Variants in SPATA13 observed in about 807,000 individuals in gnomAD.
SPATA13 encodes spermatogenesis associated 13.
A neutral mutation model predicts 104.0 loss-of-function variants in SPATA13; 50 were observed. The ratio of observed to expected loss-of-function variants is 0.48; its 90% CI spans 0.38 to 0.61. The LOEUF (loss-of-function observed/expected upper bound fraction) is 0.61, where lower values mean the gene tolerates loss of function less well. Ranked by LOEUF, SPATA13 falls within the 20% of genes least tolerant of loss-of-function variation. The pLI is 0.00. For missense variants in SPATA13, 1,524 were observed against 1,690.6 expected (o/e 0.90, Z 1.73); for synonymous variants, 606 against 667.5 (o/e 0.91, Z 1.42).
chr13:24,146,970 A>G (rs556175097), intron 3 of SPATA13, among the ~76,000 whole-genome samples: 51 of 152,190 alleles, frequency 3.4e-4, no homozygotes, highest in African/African-American at 1.2e-3. Flanking sequence ...TTCACTTAGA[A>G]ATAAAGAGAA....
At chr13:24,265,132 A>C (rs2138685473) in intron 4 of SPATA13, among the ~76,000 whole-genome samples, 1 of 152,312 alleles carries the variant, frequency 6.6e-6, no homozygotes. Context: ...CTTGTACTTC[A>C]GGCTCCATTT....
intron 2 of SPATA13, among the ~76,000 whole-genome samples, chr13:24,226,015 A>T (rs79326019): frequency 6.6e-6 from 1 of 152,166 alleles, no homozygotes; most frequent in South Asian, 2.1e-4. Context: ...GAGACCTGGA[A>T]TGTGTTGCTC....
chr13:24,216,906 T>A (rs1006094550), intron 1 of SPATA13, among the ~76,000 whole-genome samples: 1 of 151,806 alleles, frequency 6.6e-6, no homozygotes, highest in Non-Finnish European at 1.5e-5. Context: ...CAAAAATTAG[T>A]GGGGCATAGT....
At chr13:24,029,742 A>G (rs542799217) in intron 3 of SPATA13, among the ~76,000 whole-genome samples, 2 of 152,026 alleles carry the variant, frequency 1.3e-5, no homozygotes, top group Non-Finnish European at 2.9e-5. Flanking sequence ...CCTGGTACCC[A>G]TTAGTTAATT....
At chr13:24,036,104 A>G (rs988524902) in intron 3 of SPATA13, among the ~76,000 whole-genome samples, 9 of 152,206 alleles carry the variant, frequency 5.9e-5, no homozygotes, top group African/African-American at 2.2e-4. Flanking sequence ...TAATATTTAC[A>G]ATACTAGAAA....
intron 3 of SPATA13, among the ~76,000 whole-genome samples, chr13:24,037,975 A>G (rs1364171286): frequency 1.3e-5 from 2 of 151,536 alleles, no homozygotes; most frequent in East Asian, 2.0e-4. Flanking sequence ...GCAGTGGCAC[A>G]ATCTTGGCTC....
intron 3 of SPATA13, among the ~76,000 whole-genome samples, chr13:24,113,657 G>T (rs550813194): frequency 6.6e-6 from 1 of 151,968 alleles, no homozygotes; most frequent in East Asian, 1.9e-4. Flanking sequence ...AGATCACGAG[G>T]TCAGGAGATC....
At chr13:24,057,991 T>C (rs960486425) in intron 3 of SPATA13, among the ~76,000 whole-genome samples, 1 of 151,788 alleles carries the variant, frequency 6.6e-6, no homozygotes, top group Admixed American at 6.6e-5. Flanking sequence ...AGAAAGGAGA[T>C]GTTCATGGCC....
chr13:24,117,971 A>C (rs947087232), intron 3 of SPATA13, among the ~76,000 whole-genome samples: 1 of 152,242 alleles, frequency 6.6e-6, no homozygotes, highest in South Asian at 2.1e-4. Context: ...AAAAAATGGC[A>C]TTAGAAAAAC....
chr13:24,286,981 G>T lies in SPATA13; in HGVS notation c.2667+31G>T, dbSNP rs372283758. 3.6e-5 allele frequency: 57 copies of T among 1,601,784 alleles called. No homozygotes were observed. In the African/African-American group the frequency reaches 4.9e-4, roughly 14 times the overall value. Reference sequence around the variant, plus strand: ...ACGCCAGGCTGGGACCTCACTGAGGGTCACAGTATGAGGCTGCATGAGGTG... The same window carrying T: ...ACGCCAGGCTGGGACCTCACTGAGGTTCACAGTATGAGGCTGCATGAGGTG... On this transcript the variant is annotated intron_variant, in intron 7 of 12. Transcript: ENST00000382108. The surrounding 1 kb of genome is among the most constrained non-coding windows in gnomAD (Gnocchi z 4.9).
intron 3 of SPATA13, among the ~76,000 whole-genome samples, chr13:24,143,341 A>C (rs1881822078): frequency 6.6e-6 from 1 of 152,028 alleles, no homozygotes; most frequent in South Asian, 2.1e-4. Flanking sequence ...TACTTCTCCC[A>C]TTTTTCCCCA....
chr13:24,142,953 G>T (rs1881810303), intron 3 of SPATA13, among the ~76,000 whole-genome samples: 1 of 152,168 alleles, frequency 6.6e-6, no homozygotes, highest in South Asian at 2.1e-4. Flanking sequence ...CTCCATCCAT[G>T]CCTGGCCTCT....
At chr13:24,245,709 G>A (rs775968499) in intron 2 of SPATA13, among the ~76,000 whole-genome samples, 8 of 147,456 alleles carry the variant, frequency 5.4e-5, no homozygotes, top group Non-Finnish European at 1.2e-4. Flanking sequence ...CTCCTGCCTC[G>A]GCCTCCCAAG....
At chr13:24,173,244 A>AT (rs1319281040) in intron 1 of SPATA13, among the ~76,000 whole-genome samples, 9 of 152,008 alleles carry the variant, frequency 5.9e-5, no homozygotes, top group Non-Finnish European at 1.2e-4. Flanking sequence ...GGCGTGGCTA[A>AT]TTTTTTGTAT....
intron 3 of SPATA13, among the ~76,000 whole-genome samples, chr13:24,106,256 A>G (rs1180323670): frequency 6.6e-6 from 1 of 151,594 alleles, no homozygotes; most frequent in African/African-American, 2.4e-5. Flanking sequence ...CTGGCCTCAT[A>G]CTCCTGGCCT....
At chr13:24,156,575 G>A (rs557777365), upstream of SPATA13, among the ~76,000 whole-genome samples, 7 of 152,290 alleles carry the variant, frequency 4.6e-5, no homozygotes, top group Admixed American at 6.5e-5. Flanking sequence ...TGTGATAAAT[G>A]CCAAACATTA....
At chr13:23,987,891 A>G (rs1459509253) in intron 2 of SPATA13, among the ~76,000 whole-genome samples, 13 of 151,580 alleles carry the variant, frequency 8.6e-5, no homozygotes, top group Admixed American at 8.5e-4. Flanking sequence ...ATTTCACATA[A>G]CGCAACGTTC....
At chr13:24,035,226 C>T (rs1011867102) in intron 3 of SPATA13, among the ~76,000 whole-genome samples, 1 of 152,214 alleles carries the variant, frequency 6.6e-6, no homozygotes, top group African/African-American at 2.4e-5. Flanking sequence ...GCAATCTCAG[C>T]TCATTGCTAC....
chr13:24,247,425 GGT>G (rs1424225799), intron 2 of SPATA13, among the ~76,000 whole-genome samples: 1 of 149,408 alleles, frequency 6.7e-6, no homozygotes, highest in Non-Finnish European at 1.5e-5. Flanking sequence ...AAAAATGAGT[GGT>G]TGGAGTAAAG....
Sources: gnomAD v4.1 joint callset for allele counts (sites outside exome capture counted in the v4.1 genomes callset) on GRCh38, gnomAD v4.1.1 for gene constraint, Gnocchi (gnomAD v3.1) non-coding constraint, MANE v1.5 for transcripts, NCBI Gene and HGNC (gene_info 2026-07-23, HGNC 2026-07-21) for gene names.